The following ITGB5 variants were observed in gnomAD, a reference collection of about 807,000 sequenced individuals.
The protein encoded by ITGB5 is integrin subunit beta 5, also known as integrin beta-5.
In ITGB5, 38 loss-of-function variants were observed where a neutral mutation model predicts 84.8. The observed-to-expected ratio is 0.45, with a 90% CI of 0.35 to 0.59. The LOEUF (loss-of-function observed/expected upper bound fraction) is 0.59. Among genes scored for constraint, ITGB5 ranks in the 20% least tolerant of loss-of-function variants. ITGB5 has a pLI of 0.01. For missense variants in ITGB5, 905 were observed against 1,034.5 expected, an observed-to-expected ratio of 0.87 and a Z score of 1.72; for synonymous variants, 393 against 414.4, an observed-to-expected ratio of 0.95 and a Z score of 0.63.
At chr3:124,816,387 T>G (rs570391220) in intron 8 of ITGB5, among the ~76,000 whole-genome samples, 1 of 152,362 alleles carries the variant, frequency 6.6e-6, no homozygotes, top group South Asian at 2.1e-4. Flanking sequence ...AGATGTGTGA[T>G]GCCGTACTGA....
At chr3:124,772,146 T>C (rs2063855170) in intron 11 of ITGB5, among the ~76,000 whole-genome samples, 1 of 152,196 alleles carries the variant, frequency 6.6e-6, no homozygotes, top group Non-Finnish European at 1.5e-5. Context: ...TGGCCACAGC[T>C]ATCTGGGCTC....
intron 5 of ITGB5, among the ~76,000 whole-genome samples, chr3:124,826,799 G>C (rs1360817453): frequency 6.6e-6 from 1 of 152,204 alleles, no homozygotes; most frequent in East Asian, 1.9e-4. Context: ...AGCTCCACAA[G>C]TGAAGGATGG....
intron 5 of ITGB5, among the ~76,000 whole-genome samples, chr3:124,835,051 T>C (rs1160430513): frequency 2.0e-5 from 3 of 152,206 alleles, no homozygotes; most frequent in Non-Finnish European, 4.4e-5. Context: ...GATTATTCCC[T>C]GCCTTGGTCA....
At position 124,821,405 on chromosome 3, in the gene ITGB5, C is replaced by T. The variant is rs776835945; in HGVS notation, c.850G>A (p.Ala284Thr). ...AGGCCTCCCAATTTTCCATCCAATGCGATGTGGGGCACATCATCTGTTGTG... is the reference window on the plus strand; with the variant it reads ...AGGCCTCCCAATTTTCCATCCAATGTGATGTGGGGCACATCATCTGTTGTG... ...VFTTDDVPHI[A>T]LDGKLGGLVQ... Residue 284 changes from alanine (A) to threonine (T), a missense_variant, in exon 6 of 15, where the codon GCA (alanine) becomes ACA (threonine). Ala to Thr is a moderately conservative substitution (Grantham distance 58, BLOSUM62 0). Coordinates refer to ENST00000296181, the MANE Select transcript of ITGB5 (RefSeq NM_002213.5). 2.0e-5 allele frequency: 33 copies of T among 1,614,116 alleles called. No individual in the cohort carries two copies. The highest frequency in any genetic ancestry group is 1.6e-4 in the Middle Eastern group (1 of 6,084).
intron 3 of ITGB5, among the ~76,000 whole-genome samples, chr3:124,851,174 C>T (rs1284685666): frequency 6.6e-6 from 1 of 152,160 alleles, no homozygotes; most frequent in Non-Finnish European, 1.5e-5. Context: ...GGGATAGAGG[C>T]TTGGAAGCAG....
intron 14 of ITGB5, 126 bp from the exon 15 acceptor site, chr3:124,763,844 G>A (rs767241728): frequency 8.2e-6 from 5 of 613,008 alleles, no homozygotes; most frequent in African/African-American, 1.8e-5. Flanking sequence ...GAGCACTCAG[G>A]AGGAGACGGC....
chr3:124,787,070 C>A (rs2064091868), intron 10 of ITGB5, among the ~76,000 whole-genome samples: 1 of 152,172 alleles, frequency 6.6e-6, no homozygotes. Context: ...CTAGTACTTT[C>A]CTTTGCTTTT....
chr3:124,846,407 C>T (rs1314635330), intron 4 of ITGB5, among the ~76,000 whole-genome samples: 1 of 144,060 alleles, frequency 6.9e-6, no homozygotes, highest in African/African-American at 2.6e-5. Context: ...GCTCAGCCCT[C>T]ATCAGATGTT....
chr3:124,852,350 G>A (rs2065169629), intron 3 of ITGB5, among the ~76,000 whole-genome samples: 1 of 151,938 alleles, frequency 6.6e-6, no homozygotes, highest in Non-Finnish European at 1.5e-5. Context: ...TCAGGACCAG[G>A]GGCAGGACCA....
intron 1 of ITGB5, among the ~76,000 whole-genome samples, chr3:124,874,191 C>T (rs1002071280): frequency 2.6e-5 from 4 of 151,302 alleles, no homozygotes; most frequent in African/African-American, 2.4e-5. Flanking sequence ...AACATAGGGT[C>T]CCTGTCTCTA....
intron 10 of ITGB5, among the ~76,000 whole-genome samples, chr3:124,783,037 T>C (rs1458681131): frequency 6.6e-6 from 1 of 151,964 alleles, no homozygotes; most frequent in Non-Finnish European, 1.5e-5. Flanking sequence ...ACGCCTGTAA[T>C]CCCAACACTC....
At chr3:124,871,529 G>A (rs9824614) in intron 2 of ITGB5, among the ~76,000 whole-genome samples, 66,197 of 151,688 alleles carry the variant, frequency 0.44, 14,660 homozygotes, top group East Asian at 0.67. Context: ...CAAGGTATCA[G>A]TCAAGGAAAG....
chr3:124,793,899 C>A (rs1579206131), intron 10 of ITGB5, among the ~76,000 whole-genome samples: 1 of 152,244 alleles, frequency 6.6e-6, no homozygotes. Flanking sequence ...GCTGGTCCCA[C>A]GACGCCCATG....
chr3:124,850,389 C>A (rs779730780), intron 3 of ITGB5, among the ~76,000 whole-genome samples: 1 of 151,816 alleles, frequency 6.6e-6, no homozygotes, highest in Non-Finnish European at 1.5e-5. Context: ...CAGGCTTGCA[C>A]GGATGAAGTA....
At chr3:124,886,210 C>G (rs888738480) in intron 1 of ITGB5, among the ~76,000 whole-genome samples, 5 of 152,174 alleles carry the variant, frequency 3.3e-5, no homozygotes, top group African/African-American at 1.2e-4. Flanking sequence ...GAGTGTGAGG[C>G]TCCGAGCGTG....
chr3:124,841,289 G>C, intron 5 of ITGB5, 94 bp downstream of exon 5: 1 of 1,209,068 alleles, frequency 8.3e-7, no homozygotes, highest in South Asian at 1.5e-5. Flanking sequence ...CACATGCTGG[G>C]GCACTCAAAG....
rs138112656 is a variant in ITGB5, at chr3:124,808,574, C to A, written c.1263+448G>T. Among the ~76,000 whole-genome samples the A allele has an allele frequency of 4.3e-3, 652 of 152,268 alleles. 23 individuals are homozygous for A. Among genetic ancestry groups the A allele is most frequent in the Non-Finnish European group, 1.1e-3 (74 of 68,032 alleles). ...TGCTGTAGAGTCATCCATTCTATTT[C>A]ACCAAAACAGAATGGGGGGAGTGGC... On this transcript the variant is annotated intron_variant, in intron 9 of 14. Coordinates refer to ENST00000296181, the MANE Select transcript of ITGB5 (RefSeq NM_002213.5).
chr3:124,863,855 G>C (rs959419875), intron 2 of ITGB5, among the ~76,000 whole-genome samples: 6 of 151,650 alleles, frequency 4.0e-5, no homozygotes, highest in African/African-American at 1.5e-4. Flanking sequence ...CATATTTAAA[G>C]AGAGAAAACC....
chr3:124,788,707 G>A (rs527629293), intron 10 of ITGB5, among the ~76,000 whole-genome samples: 1 of 152,358 alleles, frequency 6.6e-6, no homozygotes, highest in East Asian at 1.9e-4. Context: ...TCCTTTGGGA[G>A]AGAGGGGTCC....
Sources: allele counts gnomAD v4.1 joint callset (sites outside exome capture counted in the v4.1 genomes callset), GRCh38; gene constraint gnomAD v4.1.1; transcripts MANE v1.5; gene names NCBI Gene and HGNC (gene_info 2026-07-23, HGNC 2026-07-21).